DPP6: variants seen among roughly 807,000 people sequenced by gnomAD.
The protein encoded by DPP6 is dipeptidyl peptidase like 6, also known as A-type potassium channel modulatory protein DPP6.
DPP6 carries 69 observed loss-of-function variants against 122.6 expected under a neutral mutation model. The observed-to-expected ratio is 0.56, with a 90% CI of 0.46 to 0.69. DPP6 has a LOEUF of 0.69. Ranked by LOEUF, DPP6 falls within the 30% of genes least tolerant of loss-of-function variation. DPP6 has a pLI of 0.00. For synonymous variants in DPP6, 418 were observed against 433.1 expected (o/e 0.97, Z 0.43); for missense variants, 928 against 1,116.9 (o/e 0.83, Z 2.41).
chr7:154,277,699 A>G (rs1490047160), intron 1 of DPP6, among the ~76,000 whole-genome samples: 2 of 152,216 alleles, frequency 1.3e-5, no homozygotes, highest in Non-Finnish European at 1.5e-5. Context: ...TGGGAGGCAG[A>G]GGTTGCAGTG....
At chr7:154,876,493 A>C in intron 20 of DPP6, 2 of 164,780 alleles carry the variant, frequency 1.2e-5, no homozygotes, top group Non-Finnish European at 2.6e-5. Context: ...AGGAATATGA[A>C]TGGGGCTGGA....
At chr7:154,263,073 C>T (rs986265619) in intron 1 of DPP6, among the ~76,000 whole-genome samples, 4 of 152,282 alleles carry the variant, frequency 2.6e-5, no homozygotes, top group Non-Finnish European at 5.9e-5. Flanking sequence ...GAGAAGGAGT[C>T]GGGCAAACAC....
At chr7:153,837,015 G>A in the DPP6 span, among the ~76,000 whole-genome samples, 2,357 of 152,260 alleles carry the variant, frequency 0.015, 74 homozygotes, top group African/African-American at 0.054. Flanking sequence ...CATCCCAGGC[G>A]GAGGGATGCA....
intron 2 of DPP6, among the ~76,000 whole-genome samples, chr7:154,471,217 C>T (rs971336078): frequency 3.5e-4 from 54 of 152,176 alleles, no homozygotes; most frequent in African/African-American, 1.3e-3. Context: ...CGCCACCACA[C>T]TCCCGCCTGG....
chr7:154,157,015 CAATTT>C (rs1393283264), intron 1 of DPP6, among the ~76,000 whole-genome samples: 1 of 152,228 alleles, frequency 6.6e-6, no homozygotes, highest in African/African-American at 2.4e-5. Flanking sequence ...TTTGGGAGAG[CAATTT>C]AATTTAAAAG....
chr7:154,802,355 CGGG>C (rs1798423454), intron 13 of DPP6, among the ~76,000 whole-genome samples: 2 of 68,238 alleles, frequency 2.9e-5, no homozygotes, highest in Non-Finnish European at 1.0e-4. Context: ...GTGGGGGCTG[CGGG>C]ACCCCTGGGA....
At chr7:154,062,116 G>T (rs1382371786) in intron 1 of DPP6, among the ~76,000 whole-genome samples, 1 of 100,166 alleles carries the variant, frequency 1.0e-5, no homozygotes, top group African/African-American at 3.8e-5. Context: ...CGCACCCCCC[G>T]CGAGGCGGGG....
At chr7:153,916,653 C>T (rs1049681413) in intron 1 of DPP6, among the ~76,000 whole-genome samples, 6 of 151,674 alleles carry the variant, frequency 4.0e-5, no homozygotes, top group Non-Finnish European at 8.8e-5. Flanking sequence ...ATGATCTGCC[C>T]GCCTCGGCCT....
intron 8 of DPP6, among the ~76,000 whole-genome samples, chr7:154,738,515 T>C (rs1185398538): frequency 6.6e-6 from 1 of 152,206 alleles, no homozygotes; most frequent in East Asian, 1.9e-4. Flanking sequence ...GCTGTGAGGA[T>C]GGGGGAATTA....
At chr7:154,786,387 T>C (rs1234569661) in intron 10 of DPP6, among the ~76,000 whole-genome samples, 5 of 152,228 alleles carry the variant, frequency 3.3e-5, no homozygotes, top group African/African-American at 1.2e-4. Context: ...AATCTCATCT[T>C]GAATTGTAGT....
the DPP6 span, among the ~76,000 whole-genome samples, chr7:153,797,787 G>C: frequency 1.3e-5 from 2 of 152,292 alleles, no homozygotes; most frequent in Middle Eastern, 6.8e-3. Context: ...GCCACCTCAT[G>C]TGTATCCTCA....
intron 1 of DPP6, among the ~76,000 whole-genome samples, chr7:154,223,353 G>A (rs983450608): frequency 6.7e-6 from 1 of 149,416 alleles, no homozygotes; most frequent in Non-Finnish European, 1.5e-5. Flanking sequence ...TCCATTGAGT[G>A]CTAGGCACCA....
intron 16 of DPP6, among the ~76,000 whole-genome samples, chr7:154,851,150 G>A (rs1400114858): frequency 1.3e-5 from 2 of 152,080 alleles, no homozygotes; most frequent in Non-Finnish European, 2.9e-5. Flanking sequence ...CATATATTAA[G>A]TTTATGAATT....
At chr7:154,792,184 CA>C (rs1563215252) in intron 10 of DPP6, among the ~76,000 whole-genome samples, 2 of 152,236 alleles carry the variant, frequency 1.3e-5, no homozygotes, top group Non-Finnish European at 2.9e-5. Flanking sequence ...AGAGTAAGTG[CA>C]GGGTACCCTG....
the DPP6 span, among the ~76,000 whole-genome samples, chr7:153,880,969 G>C: frequency 1.3e-5 from 2 of 152,178 alleles, no homozygotes; most frequent in African/African-American, 4.8e-5. Flanking sequence ...GTTGGTTTAT[G>C]TATACCCTTG....
intron 5 of DPP6, among the ~76,000 whole-genome samples, chr7:154,586,020 G>A (rs1313232563): frequency 6.6e-6 from 1 of 152,152 alleles, no homozygotes; most frequent in Non-Finnish European, 1.5e-5. Context: ...GGATGGCACA[G>A]TGAGGGCAGG....
the DPP6 span, among the ~76,000 whole-genome samples, chr7:153,822,296 TCTC>T: frequency 8.0e-5 from 12 of 150,398 alleles, no homozygotes; most frequent in Non-Finnish European, 1.6e-4. Context: ...TTCACGCAAT[TCTC>T]CTGCTTCAGC....
chr7:153,989,875 C>G (rs1285762559), intron 1 of DPP6, among the ~76,000 whole-genome samples: 3 of 151,750 alleles, frequency 2.0e-5, no homozygotes, highest in African/African-American at 4.8e-5. Context: ...CAAGGAGGCC[C>G]TGTCTCCAAT....
At chr7:154,469,200 A>G (rs1822046060) in intron 2 of DPP6, among the ~76,000 whole-genome samples, 1 of 151,932 alleles carries the variant, frequency 6.6e-6, no homozygotes, top group African/African-American at 2.4e-5. Context: ...TTGAGAAAGT[A>G]AAACACACAC....
Sources: gnomAD v4.1 joint callset for allele counts (sites outside exome capture counted in the v4.1 genomes callset) on GRCh38, gnomAD v4.1.1 for gene constraint, MANE v1.5 for transcripts, NCBI Gene and HGNC (gene_info 2026-07-23, HGNC 2026-07-21) for gene names.